MGAT4C: variants seen among roughly 807,000 people sequenced by gnomAD.
MGAT4C encodes MGAT4 family member C.
In MGAT4C, 19 loss-of-function variants were observed where a neutral mutation model predicts 40.1. The ratio of observed to expected loss-of-function variants is 0.47; its 90% CI spans 0.33 to 0.70. The LOEUF is 0.70. MGAT4C is among the 30% of genes least tolerant of loss of function. The pLI, the probability that MGAT4C is intolerant of heterozygous loss-of-function variation, is 0.02. For missense variants in MGAT4C, 491 were observed against 563.2 expected, an observed-to-expected ratio of 0.87 and a Z score of 1.30; for synonymous variants, 181 against 187.1, an observed-to-expected ratio of 0.97 and a Z score of 0.27.
intron 2 of MGAT4C, among the ~76,000 whole-genome samples, chr12:86,027,919 TATC>T (rs1890381564): frequency 6.6e-6 from 1 of 151,928 alleles, no homozygotes; most frequent in Admixed American, 6.6e-5. Context: ...AGTAATTATT[TATC>T]ATCAGTATAA....
At chr12:86,812,538 T>C (rs1012470777) in intron 1 of MGAT4C, among the ~76,000 whole-genome samples, 1 of 152,150 alleles carries the variant, frequency 6.6e-6, no homozygotes, top group African/African-American at 2.4e-5. Context: ...TCTTCTGTCA[T>C]TATTAAACTT....
chr12:86,357,318 T>C (rs901783529), intron 3 of MGAT4C, among the ~76,000 whole-genome samples: 6 of 152,286 alleles, frequency 3.9e-5, no homozygotes, highest in African/African-American at 1.4e-4. Context: ...AAACCCCATC[T>C]GTACGTCACC....
intron 2 of MGAT4C, among the ~76,000 whole-genome samples, chr12:86,509,563 T>C (rs1312884106): frequency 6.6e-6 from 1 of 152,174 alleles, no homozygotes; most frequent in Non-Finnish European, 1.5e-5. Context: ...TGGTTCCATA[T>C]GAACTTTAAA....
At chr12:86,369,761 T>C (rs1955682269) in intron 3 of MGAT4C, among the ~76,000 whole-genome samples, 1 of 152,030 alleles carries the variant, frequency 6.6e-6, no homozygotes, top group Non-Finnish European at 1.5e-5. Flanking sequence ...TTTTTTATTG[T>C]TGATTTAAAA....
intron 2 of MGAT4C, among the ~76,000 whole-genome samples, chr12:86,671,633 A>T (rs983233882): frequency 1.3e-5 from 2 of 152,218 alleles, no homozygotes; most frequent in African/African-American, 4.8e-5. Context: ...AGGGAGACCA[A>T]AAAGAGCAGG....
chr12:86,016,005 A>T (rs934265466), intron 2 of MGAT4C: 6 of 152,076 alleles, frequency 3.9e-5, no homozygotes, highest in African/African-American at 1.4e-4. Flanking sequence ...ATTATTCATA[A>T]TCTTCTAGGT....
At chr12:86,510,099 T>C (rs1344650322) in intron 2 of MGAT4C, among the ~76,000 whole-genome samples, 1 of 152,186 alleles carries the variant, frequency 6.6e-6, no homozygotes, top group Non-Finnish European at 1.5e-5. Context: ...CAACACTATG[T>C]TGAATAGGAG....
At chr12:86,400,942 C>G (rs941074058) in intron 3 of MGAT4C, among the ~76,000 whole-genome samples, 1 of 151,904 alleles carries the variant, frequency 6.6e-6, no homozygotes, top group Non-Finnish European at 1.5e-5. Flanking sequence ...TGTCTTGGAG[C>G]CTATGTAGAA....
At chr12:86,205,688 T>C (rs1248186065) in intron 1 of MGAT4C, among the ~76,000 whole-genome samples, 1 of 152,072 alleles carries the variant, frequency 6.6e-6, no homozygotes, top group African/African-American at 2.4e-5. Flanking sequence ...TGCAGATTGA[T>C]AAATGTGTAC....
intron 4 of MGAT4C, among the ~76,000 whole-genome samples, chr12:86,319,640 G>A (rs948186878): frequency 1.3e-5 from 2 of 152,080 alleles, no homozygotes; most frequent in Non-Finnish European, 2.9e-5. Context: ...CTAGGATGTT[G>A]TCTCTATTTC....
intron 2 of MGAT4C, among the ~76,000 whole-genome samples, chr12:86,645,445 A>T (rs1292167029): frequency 6.6e-6 from 1 of 151,774 alleles, no homozygotes; most frequent in East Asian, 1.9e-4. Flanking sequence ...GCGTGGGACC[A>T]TTACAGAAGA....
intron 3 of MGAT4C, among the ~76,000 whole-genome samples, chr12:86,391,634 G>T (rs1487468052): frequency 1.3e-5 from 2 of 152,058 alleles, no homozygotes; most frequent in South Asian, 4.2e-4. Context: ...TGAGGCGGGC[G>T]GATAACCAGG....
intron 2 of MGAT4C, among the ~76,000 whole-genome samples, chr12:86,667,764 A>G (rs1205138365): frequency 6.6e-6 from 1 of 152,222 alleles, no homozygotes; most frequent in Admixed American, 6.5e-5. Flanking sequence ...CAACATTTAA[A>G]AACTGTGTAA....
At chr12:86,461,286 C>T (rs112182111) in intron 2 of MGAT4C, among the ~76,000 whole-genome samples, 2 of 139,016 alleles carry the variant, frequency 1.4e-5, no homozygotes, top group African/African-American at 5.4e-5. Context: ...TCGCCCAGGT[C>T]GGACTGCGGA....
intron 1 of MGAT4C, among the ~76,000 whole-genome samples, chr12:86,214,879 T>A (rs1159479948): frequency 3.9e-5 from 6 of 152,232 alleles, no homozygotes; most frequent in Admixed American, 3.9e-4. Context: ...ATTCGTTGAA[T>A]GATAAATGTA....
chr12:85,968,936 T>A lies in MGAT4C; in HGVS notation c.*10353A>T, dbSNP rs1174483264. ...TTTTGATACATCACTTAACTCAAAC[T>A]TTGAGATTCTTCATCACTGAAGTAG... On this transcript the variant is annotated 3_prime_UTR_variant, in exon 5 of 5. Transcript: ENST00000611864. The A allele has an allele frequency of 6.6e-6, 1 of 151,848 alleles. No individual in the cohort carries two copies. 9.4% of individuals were successfully genotyped at this position (151,848 alleles called of 1,614,324 possible).
rs184207987 is a variant in MGAT4C, at chr12:86,413,240, G to A, written c.-120+21917C>T. Among the ~76,000 whole-genome samples the A allele has an allele frequency of 2.4e-4, 37 of 152,262 alleles. No individual in the cohort carries two copies. The East Asian group carries it at 7.0e-3, about 29-fold the overall frequency. On this transcript the variant is annotated intron_variant, in intron 3 of 7. Transcript: ENST00000548651. ...ACAGATAGAAGAAAAATTAATGTGG[G>A]AAGTACTATCGAGAAAGAGAAGAGG...
intron 1 of MGAT4C, among the ~76,000 whole-genome samples, chr12:86,057,434 A>G (rs559011847): frequency 6.6e-6 from 1 of 152,276 alleles, no homozygotes; most frequent in Non-Finnish European, 1.5e-5. Context: ...TCTTAGCCAT[A>G]TATTTTACTC....
chr12:86,830,509 A>G (rs944533964), intron 1 of MGAT4C, among the ~76,000 whole-genome samples: 10 of 151,774 alleles, frequency 6.6e-5, no homozygotes, highest in African/African-American at 2.2e-4. Flanking sequence ...TATCTTTAAA[A>G]ATCATTATTG....
Sources: allele counts gnomAD v4.1 joint callset (sites outside exome capture counted in the v4.1 genomes callset), GRCh38; gene constraint gnomAD v4.1.1; transcripts MANE v1.5; gene names NCBI Gene and HGNC (gene_info 2026-07-23, HGNC 2026-07-21).